Variants in ATP2B2 observed in about 807,000 individuals in gnomAD.
ATP2B2 encodes plasma membrane calcium-transporting ATPase 2.
Under a neutral mutation model 120.0 loss-of-function variants are expected in ATP2B2, and 15 were observed. That is an observed-to-expected ratio of 0.12 (90% confidence interval 0.08 to 0.19). The LOEUF is 0.19. ATP2B2 is among the 10% of genes least tolerant of loss of function. ATP2B2 has a pLI of 1.00. For synonymous variants in ATP2B2, 694 were observed against 700.3 expected (o/e 0.99, Z 0.14); for missense variants, 1,045 against 1,719.8 (o/e 0.61, Z 6.94).
chr3:10,417,083 C>A (rs1575167065), intron 2 of ATP2B2, among the ~76,000 whole-genome samples: 1 of 121,164 alleles, frequency 8.3e-6, no homozygotes, highest in African/African-American at 4.7e-5. Context: ...GGGGGGCGGG[C>A]AGAGGGGCTC....
At chr3:10,499,687 C>A (rs2066301638) in intron 1 of ATP2B2, among the ~76,000 whole-genome samples, 2 of 152,288 alleles carry the variant, frequency 1.3e-5, no homozygotes, top group Middle Eastern at 6.8e-3. Context: ...GGCTGGGCCC[C>A]TTCACACCTT....
intron 1 of ATP2B2, among the ~76,000 whole-genome samples, chr3:10,686,847 T>C (rs2071536261): frequency 6.6e-6 from 1 of 152,230 alleles, no homozygotes; most frequent in South Asian, 2.1e-4. Context: ...CCTTGATTCC[T>C]GAAAGCCACT....
At chr3:10,388,551 G>T in intron 5 of ATP2B2, 149 bp from the exon 6 acceptor site, 1 of 1,216,292 alleles carries the variant, frequency 8.2e-7, no homozygotes, top group Non-Finnish European at 1.2e-6. Context: ...CACTGTGTGT[G>T]TGGTGGGCTC....
chr3:10,532,060 C>G (rs1002845174), intron 3 of ATP2B2, among the ~76,000 whole-genome samples: 1 of 151,766 alleles, frequency 6.6e-6, no homozygotes, highest in Non-Finnish European at 1.5e-5. Flanking sequence ...CCCCCATCCT[C>G]TCCTGGCTTT....
intron 2 of ATP2B2, among the ~76,000 whole-genome samples, chr3:10,585,511 A>AAAAAAAAAAAAAAAAAAAAAT (rs1343793703): frequency 6.7e-6 from 1 of 149,850 alleles, no homozygotes; most frequent in Non-Finnish European, 1.5e-5. Flanking sequence ...AAAAAAAAAA[A>AAAAAAAAAAAAAAAAAAAAAT]AAAAAAGATC....
At chr3:10,672,259 C>T (rs2071120392) in intron 1 of ATP2B2, among the ~76,000 whole-genome samples, 1 of 152,180 alleles carries the variant, frequency 6.6e-6, no homozygotes, top group Admixed American at 6.5e-5. Flanking sequence ...GCTTCCAAGC[C>T]CATAAGCAAA....
Position 10,351,820 on chromosome 3 carries a change from T to A in ATP2B2, c.2137-1243A>T, listed in dbSNP as rs532459991. On this transcript the variant is annotated intron_variant, in intron 14 of 22. Transcript: ENST00000360273. ...AGAAATCGGGGTGCTGCTTCTACAC[T>A]CCAAGGAGGCCAAAGGTGGCCAGCA... 8.5e-5 allele frequency among the ~76,000 whole-genome samples: 13 copies of A among 152,176 alleles called. No homozygotes were observed. In the South Asian group the frequency reaches 2.7e-3, roughly 32 times the overall value.
intron 1 of ATP2B2, among the ~76,000 whole-genome samples, chr3:10,676,055 G>A (rs2071233529): frequency 6.6e-6 from 1 of 152,176 alleles, no homozygotes; most frequent in Non-Finnish European, 1.5e-5. Flanking sequence ...CTCTTCCACT[G>A]CTTCCATAAA....
rs2069982925 is a variant in ATP2B2 at position 10,635,037 on chromosome 3, CT to C, written c.-459-15077del. Reference sequence around the variant, plus strand: ...GTTCCTACGTGATAGAAGAAAGAGCCTTCCAACACTCGCAGGACCCCGAGAT... The same window carrying C: ...GTTCCTACGTGATAGAAGAAAGAGCCTCCAACACTCGCAGGACCCCGAGAT... On this transcript the variant is annotated intron_variant, in intron 1 of 21. Transcript: ENST00000646379. The surrounding 1 kb of genome is among the most constrained non-coding windows in gnomAD (Gnocchi z 4.3). 1.3e-5 allele frequency among the ~76,000 whole-genome samples: 2 copies of C among 151,784 alleles called. No individual in the cohort carries two copies. The highest frequency in any genetic ancestry group is 4.8e-5 in the African/African-American group (2 of 41,310).
intron 2 of ATP2B2, among the ~76,000 whole-genome samples, chr3:10,443,991 T>C (rs1292926183): frequency 6.6e-6 from 1 of 152,186 alleles, no homozygotes; most frequent in Non-Finnish European, 1.5e-5. Flanking sequence ...AGTCATCATG[T>C]CTTCCCCTCC....
chr3:10,352,495 C>T (rs2060606593), intron 14 of ATP2B2, among the ~76,000 whole-genome samples: 1 of 152,212 alleles, frequency 6.6e-6, no homozygotes, highest in South Asian at 2.1e-4. Context: ...GTCTAAGAGA[C>T]CGGCTCTGTG....
intron 12 of ATP2B2, among the ~76,000 whole-genome samples, chr3:10,364,629 C>T (rs970080898): frequency 6.6e-6 from 1 of 151,942 alleles, no homozygotes. Context: ...GAGAATCACA[C>T]AAACCCGGGA....
intron 14 of ATP2B2, among the ~76,000 whole-genome samples, chr3:10,357,330 G>A (rs533690027): frequency 9.4e-4 from 143 of 152,178 alleles, no homozygotes; most frequent in African/African-American, 2.8e-3. Context: ...CTGGTTCAAC[G>A]TCACACAGCC....
rs1231956020 is a variant in ATP2B2, at chr3:10,340,866, T to A, written c.2918-162A>T. ...GGGCCAGGGCTGTGCTGTCAGCTGG[T>A]CAGAGACTAGGACTGAAGGGTCAGC... On this transcript the variant is annotated intron_variant, in intron 19 of 22. Coordinates refer to ENST00000360273, the MANE Select transcript of ATP2B2 (RefSeq NM_001001331.4). This position sits in a 1 kb window ranked among gnomAD's most constrained non-coding sequence, Gnocchi z 5.0. Among the ~76,000 whole-genome samples the A allele has an allele frequency of 6.6e-6, 1 of 152,014 alleles. No individual in the cohort carries two copies. Among genetic ancestry groups the A allele is most frequent in the African/African-American group, 2.4e-5 (1 of 41,384 alleles).
At chr3:10,693,203 C>A (rs989264559) in intron 1 of ATP2B2, among the ~76,000 whole-genome samples, 4 of 152,208 alleles carry the variant, frequency 2.6e-5, no homozygotes, top group Non-Finnish European at 4.4e-5. Flanking sequence ...AAATATGTTT[C>A]TGATGACACA....
chr3:10,606,250 C>T (rs1025349888), intron 2 of ATP2B2, among the ~76,000 whole-genome samples: 30 of 152,190 alleles, frequency 2.0e-4, no homozygotes, highest in African/African-American at 5.8e-4. Context: ...ACGCAGCTCT[C>T]TGAGCCTCAG....
At chr3:10,554,591 G>A (rs2067739598) in intron 2 of ATP2B2, among the ~76,000 whole-genome samples, 1 of 152,220 alleles carries the variant, frequency 6.6e-6, no homozygotes, top group Non-Finnish European at 1.5e-5. Context: ...CCTCCAGAAG[G>A]AATGTGGCTC....
Position 10,326,806 on chromosome 3 carries a change from G to T in ATP2B2, c.*2008C>A, listed in dbSNP as rs2059865570. On this transcript the variant is annotated 3_prime_UTR_variant, in exon 23 of 23. Transcript: ENST00000360273. ...CTGACTTTGAACCCCAAACCCTCAA[G>T]TTTTTCCACCGCCATCCAGATGTAG... 2.5e-6 allele frequency: 1 copy of T among 398,890 alleles called. No homozygotes were observed. Among genetic ancestry groups the T allele is most frequent in the South Asian group, 1.3e-4 (1 of 7,860 alleles). 24.7% of individuals were successfully genotyped at this position (398,890 alleles called of 1,614,324 possible).
In ATP2B2 at chr3:10,625,136, G is replaced by A. The variant is rs183127007; in HGVS notation, c.-459-5175C>T. Among the ~76,000 whole-genome samples, 12 of 152,354 alleles carry A rather than the reference G, an allele frequency of 7.9e-5. No individual in the cohort carries two copies. In the East Asian group the frequency reaches 9.6e-4, roughly 12 times the overall value. ...GCCCCAGAAACTCAGAGGTGAGGAC[G>A]TGGTATTCTGGCTACACAAGGTCTC... is the stretch of plus-strand genomic sequence containing the variant. On this transcript the variant is annotated intron_variant, in intron 1 of 21. Transcript: ENST00000646379.
Sources: allele counts gnomAD v4.1 joint callset (sites outside exome capture counted in the v4.1 genomes callset), GRCh38; gene constraint gnomAD v4.1.1; non-coding constraint Gnocchi (gnomAD v3.1); transcripts MANE v1.5; gene names NCBI Gene and HGNC (gene_info 2026-07-23, HGNC 2026-07-21).